The following REG4 variants were observed in gnomAD, a reference collection of about 807,000 sequenced individuals.
The protein encoded by REG4 is regenerating islet-derived protein 4.
Under a neutral mutation model 22.3 loss-of-function variants are expected in REG4, and 16 were observed. The ratio of observed to expected loss-of-function variants is 0.72; its 90% CI spans 0.49 to 1.09. The LOEUF (loss-of-function observed/expected upper bound fraction) is 1.09. REG4 is among the 50% of genes least tolerant of loss of function. The pLI is 0.00. For synonymous variants in REG4, 71 were observed against 69.2 expected (o/e 1.03, Z -0.13); for missense variants, 214 against 193.9 (o/e 1.10, Z -0.61).
intron 5 of REG4, among the ~76,000 whole-genome samples, chr1:119,796,723 TG>T (rs587641869): frequency 9.1e-4 from 138 of 152,296 alleles, no homozygotes; most frequent in African/African-American, 3.2e-3. Flanking sequence ...AGCCACGAGC[TG>T]GGTAAGTAAC....
chr1:119,797,730 GC>G (rs1386862144), intron 5 of REG4, among the ~76,000 whole-genome samples: 3 of 152,166 alleles, frequency 2.0e-5, no homozygotes, highest in African/African-American at 7.2e-5. Context: ...GGGTGAATTT[GC>G]CCCCCACAGG....
chr1:119,806,611 G>A (rs887119903), intron 2 of REG4, among the ~76,000 whole-genome samples: 1 of 152,186 alleles, frequency 6.6e-6, no homozygotes, highest in African/African-American at 2.4e-5. Flanking sequence ...CTCCTCACAG[G>A]GGCGAGTAAC....
In REG4 at chr1:119,794,395, A is replaced by G. The variant is rs1653867212; in HGVS notation, c.*223T>C. 2 of 624,764 alleles carry G rather than the reference A, an allele frequency of 3.2e-6. No homozygotes were observed. The highest frequency in any genetic ancestry group is 2.9e-6 in the Non-Finnish European group (1 of 342,700). The allele number at this position is 624,764 out of a possible 1,614,324, so 38.7% of individuals were successfully genotyped here. A position where few individuals can be genotyped will look rare whatever the true frequency, so the allele number is the denominator to read the frequency against. On this transcript the variant is annotated 3_prime_UTR_variant, in exon 6 of 6. Transcript: ENST00000256585. The stretch of plus-strand genomic sequence containing the variant: ...AGAGACAGGGGAGGAGGGAAGAAGG[A>G]TACTGTGGAAAGGGATGGCGGGGCA...
At position 119,805,562 on chromosome 1, in the gene REG4, G is replaced by A. The variant is rs182555079; in HGVS notation, c.68-2397C>T. ...ACACGCAGAGGACTTGGAAGACCAC[G>A]CCGGAGCCCAGACAATCATGACTCT... On this transcript the variant is annotated intron_variant, in intron 2 of 5. Transcript: ENST00000256585. Among the ~76,000 whole-genome samples the A allele has an allele frequency of 1.4e-3, 215 of 152,210 alleles. 1 individual carries two copies. The highest frequency in any genetic ancestry group is 2.4e-3 in the Non-Finnish European group (160 of 68,002).
At position 119,808,689 on chromosome 1, in the gene REG4, T is replaced by A. The variant is rs752990498; in HGVS notation, c.67+14A>T. 3.7e-6 allele frequency: 6 copies of A among 1,604,104 alleles called. No individual in the cohort carries two copies. In the East Asian group the frequency reaches 1.3e-4, roughly 36 times the overall value. ...TGGCTGTGGCTCAGTTCCAGCTACG[T>A]GATGGATACTCACCACCCAGGACTC... is the stretch of plus-strand genomic sequence containing the variant. On this transcript the variant is annotated intron_variant, in intron 2 of 5. Coordinates refer to ENST00000256585, the MANE Select transcript of REG4 (RefSeq NM_032044.4).
chr1:119,797,217 G>A (rs587730409), intron 5 of REG4, among the ~76,000 whole-genome samples: 4 of 152,184 alleles, frequency 2.6e-5, no homozygotes, highest in South Asian at 4.1e-4. Flanking sequence ...TTCCTTGATT[G>A]GAGTAAAAAT....
At chr1:119,797,859 T>G (rs1391898358) in intron 5 of REG4, among the ~76,000 whole-genome samples, 2 of 152,104 alleles carry the variant, frequency 1.3e-5, no homozygotes, top group African/African-American at 4.8e-5. Flanking sequence ...ATGTACAGGA[T>G]AGCCCCCACA....
chr1:119,794,636 C>A lies in REG4; in HGVS notation c.459G>T (p.Leu153=), dbSNP rs759554284. ...SNECNKRQHF[L]CKYRP The stretch of plus-strand genomic sequence containing the variant: ...TCTTGCTCTATGGTCGGTACTTGCA[C>A]AGGAAGTGTTGGCGCTTGTTGCATT... The change falls in exon 6 of 6, where the codon CTG becomes CTT. Residue 153 remains leucine (L), a synonymous_variant. Coordinates refer to ENST00000256585, the MANE Select transcript of REG4 (RefSeq NM_032044.4). The A allele has an allele frequency of 6.2e-7, 1 of 1,614,134 alleles. No individual in the cohort carries two copies. Among genetic ancestry groups the A allele is most frequent in the South Asian group, 1.1e-5 (1 of 91,082 alleles).
At chr1:119,798,639 C>G (rs780006773) in intron 4 of REG4, 37 bp from the exon 5 acceptor site, 2 of 1,548,180 alleles carry the variant, frequency 1.3e-6, no homozygotes. Flanking sequence ...TACAGCTCAG[C>G]AACCCACCTG....
intron 5 of REG4, among the ~76,000 whole-genome samples, chr1:119,796,392 A>G (rs1660891717): frequency 6.6e-6 from 1 of 152,222 alleles, no homozygotes; most frequent in African/African-American, 2.4e-5. Flanking sequence ...CAGAGTCACA[A>G]AACACATTTT....
rs1440868597 is a variant in REG4 at position 119,802,283 on chromosome 1, AT to A, written c.165+784del. The A allele has an allele frequency of 4.2e-6, 4 of 947,482 alleles. No homozygotes were observed. In the African/African-American group the frequency reaches 7.1e-5, roughly 17 times the overall value. 58.7% of individuals were successfully genotyped at this position (947,482 alleles called of 1,614,324 possible). ...GGAAATGTTCTGTTTAAATGTCGCA[AT>A]CCTGCATTAATCCTGGGCTTTCTAA... On this transcript the variant is annotated intron_variant, in intron 3 of 5. Transcript: ENST00000256585.
rs1039391792 is a variant in REG4 at position 119,794,447 on chromosome 1, G to A, written c.*171C>T. On this transcript the variant is annotated 3_prime_UTR_variant, in exon 6 of 6. Coordinates refer to ENST00000256585, the MANE Select transcript of REG4 (RefSeq NM_032044.4). The stretch of plus-strand genomic sequence containing the variant: ...ACATTTAGAGCTAGAAGCCACTACT[G>A]GGCCAATGCTAAAGTTTCTGTCTCT... 1 of 685,420 alleles carries A rather than the reference G, an allele frequency of 1.5e-6. No individual in the cohort carries two copies. Among genetic ancestry groups the A allele is most frequent in the Non-Finnish European group, 2.6e-6 (1 of 378,492 alleles). The allele number at this position is 685,420 out of a possible 1,614,324, so 42.5% of individuals were successfully genotyped here. A position where few individuals can be genotyped will look rare whatever the true frequency, so the allele number is the denominator to read the frequency against.
intron 5 of REG4, 77 bp from the exon 6 acceptor site, chr1:119,794,762 T>C: frequency 8.1e-7 from 1 of 1,236,216 alleles, no homozygotes; most frequent in Non-Finnish European, 1.2e-6. Context: ...GTGTTTTTCT[T>C]GGAAGCATAG....
chr1:119,809,301 G>A (rs1654427351), intron 1 of REG4: 1 of 152,264 alleles, frequency 6.6e-6, no homozygotes. Flanking sequence ...TTTTACAGAT[G>A]AGAAAACCTG....
At chr1:119,803,204 A>G (rs1418995416) in intron 2 of REG4, 39 bp from the exon 3 acceptor site, 1 of 1,491,704 alleles carries the variant, frequency 6.7e-7, no homozygotes, top group Admixed American at 2.4e-5. Flanking sequence ...TTATGATAGC[A>G]AAAACAATCA....
chr1:119,802,233 A>G, intron 3 of REG4: 2 of 715,900 alleles, frequency 2.8e-6, no homozygotes, highest in Non-Finnish European at 3.4e-6. Context: ...TAAACTTGGG[A>G]AAGTCATTTA....
At chr1:119,795,914 G>A (rs1211958437) in intron 5 of REG4, among the ~76,000 whole-genome samples, 2 of 152,248 alleles carry the variant, frequency 1.3e-5, no homozygotes, top group South Asian at 2.1e-4. Flanking sequence ...GCTGCCCATT[G>A]AGCCTGTGGA....
At chr1:119,802,666 T>G (rs1476364567) in intron 3 of REG4, 33 of 1,379,952 alleles carry the variant, frequency 2.4e-5, no homozygotes, top group Non-Finnish European at 3.1e-5. Context: ...GGCTCCAAGG[T>G]GTCTGCTCCA....
In REG4 at chr1:119,794,221, G is replaced by A. The variant is rs1426621853; in HGVS notation, c.*397C>T. The stretch of plus-strand genomic sequence containing the variant: ...GCTGGGGTGGGGTGCAGGCAATGGA[G>A]AGAGGGCAGAAGGGTGTAGAAGCTG... On this transcript the variant is annotated 3_prime_UTR_variant, in exon 6 of 6. Transcript: ENST00000256585. 1.9e-6 allele frequency: 1 copy of A among 539,398 alleles called. No individual in the cohort carries two copies. Among genetic ancestry groups the A allele is most frequent in the East Asian group, 5.3e-5 (1 of 18,704 alleles). 33.4% of individuals were successfully genotyped at this position (539,398 alleles called of 1,614,324 possible). A position where few individuals can be genotyped will look rare whatever the true frequency, so the allele number is the denominator to read the frequency against.
Sources: allele counts gnomAD v4.1 joint callset (sites outside exome capture counted in the v4.1 genomes callset), GRCh38; gene constraint gnomAD v4.1.1; transcripts MANE v1.5; gene names NCBI Gene and HGNC (gene_info 2026-07-23, HGNC 2026-07-21).